VWA3B: variants seen among roughly 807,000 people sequenced by gnomAD.
VWA3B encodes the protein von Willebrand factor A domain-containing protein 3B.
In VWA3B, 138 loss-of-function variants were observed where a neutral mutation model predicts 158.3. That is an observed-to-expected ratio of 0.87 (90% CI 0.76 to 1.00). The LOEUF is 1.00. Among genes scored for constraint, VWA3B ranks in the 50% least tolerant of loss-of-function variants. VWA3B has a pLI of 0.00. For missense variants in VWA3B, 1,555 were observed against 1,565.1 expected (o/e 0.99, Z 0.11); for synonymous variants, 596 against 587.3 (o/e 1.01, Z -0.21).
rs147009508 is a variant in VWA3B at position 98,142,289 on chromosome 2, C to G, written c.988+8350C>G. ...CCTGCCCCGCCTCCCTGGATTCCCC[C>G]CATGCAGGCTTCCTCCCAGGGTGCT... On this transcript the variant is annotated intron_variant, in intron 7 of 27. Coordinates refer to ENST00000477737, the MANE Select transcript of VWA3B (RefSeq NM_144992.5). Among the ~76,000 whole-genome samples the G allele has an allele frequency of 5.3e-5, 8 of 152,286 alleles. No individual in the cohort carries two copies. In the South Asian group the frequency reaches 1.7e-3, roughly 32 times the overall value.
At chr2:98,258,035 C>T (rs1687262110) in intron 21 of VWA3B, among the ~76,000 whole-genome samples, 2 of 151,824 alleles carry the variant, frequency 1.3e-5, no homozygotes, top group African/African-American at 4.8e-5. Flanking sequence ...CTTTTTGTAT[C>T]TGGTGTGAAG....
chr2:98,290,555 A>G lies in VWA3B; in HGVS notation c.3090A>G (p.Lys1030=). 6.3e-7 allele frequency: 1 copy of G among 1,586,050 alleles called. No homozygotes were observed. ...QGNPTKKTKS[K]RPDPLKGQKV... is the part of the protein sequence containing the mutation. ...ATCCAACAAAGAAAACCAAATCAAA[A>G]AGACCAGATCCCCTCAAAGGACAGA... is the stretch of plus-strand genomic sequence containing the variant. Residue 1030 remains lysine, a synonymous_variant, in exon 23 of 28, where the codon AAA becomes AAG. Transcript: ENST00000477737.
chr2:98,217,112 C>A, intron 13 of VWA3B: 1 of 556,690 alleles, frequency 1.8e-6, no homozygotes, highest in Non-Finnish European at 2.8e-6. Flanking sequence ...AGCTCCATCC[C>A]TGCAATGGGA....
At chr2:98,143,947 G>A (rs950741674) in intron 7 of VWA3B, among the ~76,000 whole-genome samples, 1 of 151,660 alleles carries the variant, frequency 6.6e-6, no homozygotes, top group Non-Finnish European at 1.5e-5. Context: ...AGAGACTGGG[G>A]TCACTATGTT....
intron 21 of VWA3B, among the ~76,000 whole-genome samples, chr2:98,258,648 G>C (rs1038124998): frequency 6.6e-6 from 1 of 151,710 alleles, no homozygotes; most frequent in Non-Finnish European, 1.5e-5. Context: ...TTCATTGCTG[G>C]TACATAAAAA....
chr2:98,305,138 G>T (rs1190396859), intron 26 of VWA3B, among the ~76,000 whole-genome samples: 15 of 152,100 alleles, frequency 9.9e-5, no homozygotes, highest in Admixed American at 9.2e-4. Flanking sequence ...TCCTCTTGAG[G>T]CTCGTTGCCC....
intron 2 of VWA3B, among the ~76,000 whole-genome samples, chr2:98,093,843 C>G (rs944053184): frequency 4.6e-5 from 7 of 152,162 alleles, no homozygotes; most frequent in African/African-American, 1.7e-4. Flanking sequence ...CTACTCGCTA[C>G]TTCTATGAGA....
intron 2 of VWA3B, among the ~76,000 whole-genome samples, chr2:98,098,635 A>G (rs1682874079): frequency 1.3e-5 from 2 of 152,102 alleles, no homozygotes; most frequent in South Asian, 4.1e-4. Context: ...TAGGCAGCAT[A>G]TAGGTGGATC....
the VWA3B span, among the ~76,000 whole-genome samples, chr2:98,318,921 A>G: frequency 6.6e-6 from 1 of 152,198 alleles, no homozygotes; most frequent in Non-Finnish European, 1.5e-5. Context: ...AGAATGCTCA[A>G]GCCCTGCAGT....
chr2:98,205,501 T>C (rs1682944130), intron 12 of VWA3B, among the ~76,000 whole-genome samples: 1 of 152,130 alleles, frequency 6.6e-6, no homozygotes, highest in African/African-American at 2.4e-5. Context: ...TTCTCTATTG[T>C]TTTACTATTT....
intron 18 of VWA3B, 44 bp downstream of exon 18, chr2:98,236,521 T>C (rs1228344197): frequency 6.2e-7 from 1 of 1,613,818 alleles, no homozygotes; most frequent in Non-Finnish European, 8.5e-7. Flanking sequence ...TATGCTTCTG[T>C]TGGTTAACCA....
the VWA3B span, among the ~76,000 whole-genome samples, chr2:98,319,951 A>G: frequency 6.6e-6 from 1 of 152,110 alleles, no homozygotes; most frequent in African/African-American, 2.4e-5. Flanking sequence ...AGAACTGTCA[A>G]TAATGTGCCA....
chr2:98,148,901 A>G (rs1348779887), intron 7 of VWA3B, among the ~76,000 whole-genome samples: 2 of 152,232 alleles, frequency 1.3e-5, no homozygotes, highest in Non-Finnish European at 2.9e-5. Context: ...TATTTATCAT[A>G]GATGTGAAGA....
intron 3 of VWA3B, among the ~76,000 whole-genome samples, chr2:98,118,404 T>G (rs999335515): frequency 6.6e-6 from 1 of 152,174 alleles, no homozygotes; most frequent in Admixed American, 6.5e-5. Context: ...TGATGTGGTC[T>G]GAAAGCACAT....
chr2:98,114,544 G>A (rs1396631422), intron 2 of VWA3B, among the ~76,000 whole-genome samples: 3 of 152,210 alleles, frequency 2.0e-5, no homozygotes, highest in African/African-American at 7.2e-5. Context: ...TAGCTCTCCA[G>A]AGGAGGCTGT....
intron 7 of VWA3B, among the ~76,000 whole-genome samples, chr2:98,142,138 C>A (rs1267747738): frequency 6.6e-6 from 1 of 152,100 alleles, no homozygotes; most frequent in Admixed American, 6.5e-5. Context: ...GGGGTCTAGT[C>A]GTTGGATATC....
chr2:98,208,381 A>G (rs1156462366), intron 12 of VWA3B, among the ~76,000 whole-genome samples: 2 of 152,020 alleles, frequency 1.3e-5, no homozygotes, highest in Non-Finnish European at 2.9e-5. Flanking sequence ...TTTAAGGATT[A>G]AGTGTCTCAT....
At chr2:98,262,327 A>G (rs1687538196) in intron 21 of VWA3B, among the ~76,000 whole-genome samples, 1 of 151,822 alleles carries the variant, frequency 6.6e-6, no homozygotes, top group Non-Finnish European at 1.5e-5. Flanking sequence ...TGCTGCCTAC[A>G]CTTTTGGTGT....
At position 98,222,643 on chromosome 2, in the gene VWA3B, G is replaced by A. The variant is rs192393764; in HGVS notation, c.2019+4615G>A. Among the ~76,000 whole-genome samples, 176 of 152,270 alleles carry A rather than the reference G, an allele frequency of 1.2e-3. 1 individual carries two copies. Among genetic ancestry groups the A allele is most frequent in the Non-Finnish European group, 3.4e-4 (23 of 68,030 alleles). On this transcript the variant is annotated intron_variant, in intron 14 of 27. Transcript: ENST00000477737. ...ACAGGAACACCTGGAGGACAGCAGG[G>A]GAGGTACCAAGAGACACCTGGAAGC...
Sources: gnomAD v4.1 joint callset for allele counts (sites outside exome capture counted in the v4.1 genomes callset) on GRCh38, gnomAD v4.1.1 for gene constraint, MANE v1.5 for transcripts, NCBI Gene and HGNC (gene_info 2026-07-23, HGNC 2026-07-21) for gene names.